The following PATE3 variants were observed in gnomAD, a reference collection of about 807,000 sequenced individuals.
The protein encoded by PATE3 is prostate and testis expressed protein 3.
In PATE3, 7 loss-of-function variants were observed where a neutral mutation model predicts 7.4. The ratio of observed to expected loss-of-function variants is 0.95; its 90% CI spans 0.54 to 1.78. PATE3 has a LOEUF of 1.78. PATE3 is among the 40% of genes most tolerant of loss of function. The probability of loss-of-function intolerance (pLI) is 0.00; values close to 1 mark genes in which losing one functional copy is unlikely to be tolerated. For synonymous variants in PATE3, 38 were observed against 40.2 expected (o/e 0.94, Z 0.21); for missense variants, 117 against 122.5 (o/e 0.96, Z 0.21).
In PATE3 at chr11:125,791,323, CTATCACCTCCCACCTCCAT is replaced by C. The variant is rs1341888675; in HGVS notation, c.*733_*751del. 5 of 152,196 alleles carry C rather than the reference CTATCACCTCCCACCTCCAT, an allele frequency of 3.3e-5. No individual in the cohort carries two copies. The highest frequency in any genetic ancestry group is 7.2e-5 in the African/African-American group (3 of 41,420). The allele number at this position is 152,196 out of a possible 1,614,324, so 9.4% of individuals were successfully genotyped here. A position where few individuals can be genotyped will look rare whatever the true frequency, so the allele number is the denominator to read the frequency against. ...TTTCCCCCTTTGCCATTCACCTTTACTATCACCTCCCACCTCCATTATCACCTCCCCATTGCCACACAAC... is the reference window on the plus strand; with the variant it reads ...TTTCCCCCTTTGCCATTCACCTTTACTATCACCTCCCCATTGCCACACAAC... On this transcript the variant is annotated 3_prime_UTR_variant, in exon 3 of 3. Transcript: ENST00000445202.
Position 125,791,218 on chromosome 11 carries a change from C to G in PATE3, c.*616C>G, listed in dbSNP as rs1438080530. ...TCACCGAGCTCTCACACAGCCACTG[C>G]TACTCCTATCGAGATGTACATTCAA... is the stretch of plus-strand genomic sequence containing the variant. On this transcript the variant is annotated 3_prime_UTR_variant, in exon 3 of 3. Coordinates refer to ENST00000445202, the MANE Select transcript of PATE3 (RefSeq NM_001129883.4). 6.6e-6 allele frequency: 1 copy of G among 151,928 alleles called. No individual in the cohort carries two copies. The highest frequency in any genetic ancestry group is 2.4e-5 in the African/African-American group (1 of 41,398). The allele number at this position is 151,928 out of a possible 1,614,324, so 9.4% of individuals were successfully genotyped here.
In PATE3 at chr11:125,789,437, G is replaced by T. The variant is rs1046892025; in HGVS notation, c.101G>T (p.Arg34Leu). ...ITCHLRTRTD[R>L]CRRGFGVCTA... ...TGCCACCTTCGCACACGGACAGACC[G>T]CTGTAGAAGAGGCTTTGGTGTCTGT... Residue 34 changes from arginine to leucine, a missense_variant, in exon 2 of 3, where the codon CGC (arginine) becomes CTC (leucine). By Grantham distance (102) the Arg-to-Leu change is moderately radical. Coordinates refer to ENST00000445202, the MANE Select transcript of PATE3 (RefSeq NM_001129883.4). The T allele has an allele frequency of 5.2e-6, 8 of 1,551,564 alleles. No homozygotes were observed. Among genetic ancestry groups the T allele is most frequent in the Non-Finnish European group, 6.1e-6 (7 of 1,146,876 alleles).
At position 125,790,461 on chromosome 11, in the gene PATE3, G is replaced by T. The variant is rs905340820; in HGVS notation, c.173-17G>T. ...TTAAATCAAATGCTTATTTTCTGTGGTTCTTTCCTATTTTAGGCAATACTC... is the reference window on the plus strand; with the variant it reads ...TTAAATCAAATGCTTATTTTCTGTGTTTCTTTCCTATTTTAGGCAATACTC... On this transcript the variant is annotated splice_polypyrimidine_tract_variant and intron_variant, in intron 2 of 2. Transcript: ENST00000445202. 1 of 1,545,464 alleles carries T rather than the reference G, an allele frequency of 6.5e-7. No homozygotes were observed. The highest frequency in any genetic ancestry group is 2.5e-5 in the East Asian group (1 of 40,702).
intron 2 of PATE3, among the ~76,000 whole-genome samples, 166 bp from the exon 3 acceptor site, chr11:125,790,312 T>C (rs1423981577): frequency 2.0e-5 from 3 of 152,210 alleles, no homozygotes; most frequent in Admixed American, 1.3e-4. Context: ...AGCTGATCAG[T>C]GGCCTCTGTA....
chr11:125,788,279 C>A, intron 1 of PATE3, 79 bp downstream of exon 1: 2 of 1,343,536 alleles, frequency 1.5e-6, no homozygotes, highest in Non-Finnish European at 2.1e-6. Context: ...TAGCATGCAT[C>A]CATGCAGGGC....
Position 125,790,705 on chromosome 11 carries a change from C to A in PATE3, c.*103C>A. 8.3e-7 allele frequency: 1 copy of A among 1,209,444 alleles called. No individual in the cohort carries two copies. Among genetic ancestry groups the A allele is most frequent in the Non-Finnish European group, 1.1e-6 (1 of 877,692 alleles). 74.9% of individuals were successfully genotyped at this position (1,209,444 alleles called of 1,614,324 possible). The stretch of plus-strand genomic sequence containing the variant: ...CCCTTCCGTGTCTGTCCTGACAATA[C>A]CCCTGCCCTCGCATTAACCTAAGAA... On this transcript the variant is annotated 3_prime_UTR_variant, in exon 3 of 3. Coordinates refer to ENST00000445202, the MANE Select transcript of PATE3 (RefSeq NM_001129883.4).
At position 125,790,502 on chromosome 11, in the gene PATE3, T is replaced by C. The variant is rs1943601227; in HGVS notation, c.197T>C (p.Met66Thr). 2 of 1,550,230 alleles carry C rather than the reference T, an allele frequency of 1.3e-6. No homozygotes were observed. Among genetic ancestry groups the C allele is most frequent in the African/African-American group, 1.4e-5 (1 of 73,044 alleles). ...GGCAATACTCTCCAGATATCATACATGGTGTGTCAGAAATTCTGCAGAGAC... is the reference window on the plus strand; with the variant it reads ...GGCAATACTCTCCAGATATCATACACGGTGTGTCAGAAATTCTGCAGAGAC... The part of the protein sequence containing the change: ...YQRNTLQISY[M>T]VCQKFCRDMT... The change falls in exon 3 of 3, where the codon ATG becomes ACG. Residue 66 changes from methionine (M) to threonine (T), a missense_variant. Transcript: ENST00000445202.
At position 125,790,837 on chromosome 11, in the gene PATE3, A is replaced by C; in HGVS notation, c.*235A>C. Reference sequence around the variant, plus strand: ...TTCTTCTATTATTGGGATTATTGGCATGGCCATATTCCAAGAAACCTGCCC... The same window carrying C: ...TTCTTCTATTATTGGGATTATTGGCCTGGCCATATTCCAAGAAACCTGCCC... On this transcript the variant is annotated 3_prime_UTR_variant, in exon 3 of 3. Transcript: ENST00000445202. The C allele has an allele frequency of 2.6e-6, 1 of 387,338 alleles. No homozygotes were observed. Among genetic ancestry groups the C allele is most frequent in the Non-Finnish European group, 4.6e-6 (1 of 219,274 alleles). The allele number at this position is 387,338 out of a possible 1,614,324, so 24.0% of individuals were successfully genotyped here.
At position 125,790,686 on chromosome 11, in the gene PATE3, C is replaced by T. The variant is rs1028178353; in HGVS notation, c.*84C>T. ...ACTCTGCTGGCCCTTGCTTCCCTTC[C>T]GTGTCTGTCCTGACAATACCCCTGC... On this transcript the variant is annotated 3_prime_UTR_variant, in exon 3 of 3. Coordinates refer to ENST00000445202, the MANE Select transcript of PATE3 (RefSeq NM_001129883.4). 2.9e-5 allele frequency: 40 copies of T among 1,384,794 alleles called. No homozygotes were observed. The South Asian group carries it at 4.5e-4, about 16-fold the overall frequency. The allele number at this position is 1,384,794 out of a possible 1,614,324, so 85.8% of individuals were successfully genotyped here.
chr11:125,790,160 G>T (rs1263715133), intron 2 of PATE3, among the ~76,000 whole-genome samples: 1 of 152,210 alleles, frequency 6.6e-6, no homozygotes, highest in Non-Finnish European at 1.5e-5. Flanking sequence ...AGGAGAGGAT[G>T]AAGACAGTCT....
rs78883072 is a variant in PATE3, at chr11:125,789,476, G to T, written c.140G>T (p.Gly47Val). The T allele has an allele frequency of 2.2e-5, 34 of 1,551,428 alleles. No homozygotes were observed. Among genetic ancestry groups the T allele is most frequent in the Non-Finnish European group, 2.9e-5 (33 of 1,146,920 alleles). ...TTTGGTGTCTGTACTGCTCAGAAGG[G>T]CGAGGCATGCATGCTCTTAAGGATT... is the stretch of plus-strand genomic sequence containing the variant. ...RGFGVCTAQKGEACMLLRIYQ... is the reference protein window; with the variant it reads ...RGFGVCTAQKVEACMLLRIYQ... The change falls in exon 2 of 3, where the codon GGC becomes GTC. Residue 47 changes from glycine to valine, a missense_variant. Coordinates refer to ENST00000445202, the MANE Select transcript of PATE3 (RefSeq NM_001129883.4).
rs1182437566 is a variant in PATE3, at chr11:125,789,487, A to T, written c.151A>T (p.Met51Leu). 1.2e-5 allele frequency: 18 copies of T among 1,551,618 alleles called. No individual in the cohort carries two copies. The highest frequency in any genetic ancestry group is 1.6e-5 in the Non-Finnish European group (18 of 1,146,926). The change falls in exon 2 of 3, where the codon ATG becomes TTG. Residue 51 changes from methionine (M) to leucine (L), a missense_variant. By Grantham distance (15) the Met-to-Leu change is conservative (BLOSUM62 2). Transcript: ENST00000445202. ...VCTAQKGEAC[M>L]LLRIYQRNTL... ...TACTGCTCAGAAGGGCGAGGCATGC[A>T]TGCTCTTAAGGATTTACCAGCGTAA... is the stretch of plus-strand genomic sequence containing the variant.
At chr11:125,788,255 G>A in intron 1 of PATE3, 55 bp downstream of exon 1, 1 of 1,486,494 alleles carries the variant, frequency 6.7e-7, no homozygotes, top group Non-Finnish European at 9.2e-7. Context: ...GGAGCTCCAG[G>A]GAAACTACAT....
chr11:125,788,966 T>C (rs1188725262), intron 1 of PATE3, among the ~76,000 whole-genome samples: 1 of 152,202 alleles, frequency 6.6e-6, no homozygotes, highest in African/African-American at 2.4e-5. Flanking sequence ...TAGATTCAGA[T>C]TGAAGCTCAA....
intron 2 of PATE3, 46 bp from the exon 3 acceptor site, chr11:125,790,432 G>C: frequency 6.6e-7 from 1 of 1,525,948 alleles, no homozygotes; most frequent in Non-Finnish European, 8.8e-7. Context: ...TCACCTTGGA[G>C]AGCTTAAATC....
chr11:125,789,634 T>A (rs963089899), intron 2 of PATE3, 126 bp downstream of exon 2: 2 of 1,012,870 alleles, frequency 2.0e-6, no homozygotes, highest in Non-Finnish European at 2.8e-6. Flanking sequence ...GTAGCACAGG[T>A]CCCTGTGCAT....
intron 1 of PATE3, 101 bp from the exon 2 acceptor site, chr11:125,789,285 C>T (rs2134182250): frequency 8.0e-7 from 1 of 1,244,190 alleles, no homozygotes; most frequent in Non-Finnish European, 1.1e-6. Context: ...CATCTGCCTG[C>T]CCCCTCCACT....
intron 1 of PATE3, 31 bp downstream of exon 1, chr11:125,788,231 G>GAGA: frequency 1.3e-6 from 2 of 1,539,970 alleles, no homozygotes; most frequent in Non-Finnish European, 1.8e-6. Context: ...GTATACTTGA[G>GAGA]AGACAGGATC....
chr11:125,789,403 T>G lies in PATE3; in HGVS notation c.67T>G (p.Cys23Gly). 1 of 1,551,598 alleles carries G rather than the reference T, an allele frequency of 6.4e-7. No homozygotes were observed. The highest frequency in any genetic ancestry group is 8.7e-7 in the Non-Finnish European group (1 of 1,146,882). ...CLIVAVTSLQ[C>G]ITCHLRTRTD... ...CTCTCCAGCAGTGACATCACTTCAG[T>G]GCATAACATGCCACCTTCGCACACG... Residue 23 changes from cysteine to glycine, a missense_variant, in exon 2 of 3, where the codon TGC becomes GGC. By Grantham distance (159) the Cys-to-Gly change is radical. Coordinates refer to ENST00000445202, the MANE Select transcript of PATE3 (RefSeq NM_001129883.4).
Sources: allele counts gnomAD v4.1 joint callset (sites outside exome capture counted in the v4.1 genomes callset), GRCh38; gene constraint gnomAD v4.1.1; transcripts MANE v1.5; gene names NCBI Gene and HGNC (gene_info 2026-07-23, HGNC 2026-07-21).